Variants in RNF207 observed in about 807,000 individuals in gnomAD.
RNF207 encodes OTTHUMG00000001089.
Under a neutral mutation model 79.0 loss-of-function variants are expected in RNF207, and 72 were observed. That is an observed-to-expected ratio of 0.91 (90% confidence interval 0.75 to 1.11). The LOEUF (loss-of-function observed/expected upper bound fraction) is 1.11, where lower values mean the gene tolerates loss of function less well. Ranked by LOEUF, RNF207 falls within the 50% of genes least tolerant of loss-of-function variation. The pLI is 0.00. For missense variants in RNF207, 936 were observed against 855.8 expected (o/e 1.09, Z -1.17); for synonymous variants, 348 against 366.2 (o/e 0.95, Z 0.57).
intron 17 of RNF207, among the ~76,000 whole-genome samples, chr1:6,218,856 C>T (rs1271559018): frequency 2.0e-5 from 3 of 152,100 alleles, no homozygotes; most frequent in Non-Finnish European, 4.4e-5. Context: ...AGAATGAGAA[C>T]CAGAAGAGCC....
rs1305773155 is a variant in RNF207 at position 6,211,514 on chromosome 1, G to A, written c.1110-353G>A. ...CTGGAGAGGAGTTAGAAGAGATGCT[G>A]AAATGGCATGTGTGTGTCCAGGGGC... On this transcript the variant is annotated intron_variant, in intron 12 of 17. Coordinates refer to ENST00000377939, the MANE Select transcript of RNF207 (RefSeq NM_207396.3). This position sits in a 1 kb window ranked among gnomAD's most constrained non-coding sequence, Gnocchi z 4.2. 1.3e-5 allele frequency among the ~76,000 whole-genome samples: 2 copies of A among 152,160 alleles called. No individual in the cohort carries two copies. The highest frequency in any genetic ancestry group is 2.4e-5 in the African/African-American group (1 of 41,440).
rs954711359 is a variant in RNF207, at chr1:6,217,986, C to G, written c.1653-303C>G. 1.3e-5 allele frequency among the ~76,000 whole-genome samples: 2 copies of G among 152,232 alleles called. No homozygotes were observed. Among genetic ancestry groups the G allele is most frequent in the African/African-American group, 4.8e-5 (2 of 41,452 alleles). On this transcript the variant is annotated intron_variant, in intron 16 of 17. Coordinates refer to ENST00000377939, the MANE Select transcript of RNF207 (RefSeq NM_207396.3). The surrounding 1 kb of genome is among the most constrained non-coding windows in gnomAD (Gnocchi z 4.2). ...GATGAGTGTCAGCAGAGGCCCTCCC[C>G]ACTCCACCTGGATTAAAGCAGGTCT...
At chr1:6,215,949 G>C (rs762749159) in intron 16 of RNF207, among the ~76,000 whole-genome samples, 5 of 152,222 alleles carry the variant, frequency 3.3e-5, no homozygotes, top group Non-Finnish European at 5.9e-5. Flanking sequence ...CGGAAGCTCT[G>C]AGCACAAGGG....
At chr1:6,210,752 G>T in intron 10 of RNF207, 118 bp from the exon 11 acceptor site, 1 of 893,588 alleles carries the variant, frequency 1.1e-6, no homozygotes, top group Non-Finnish European at 1.8e-6. Flanking sequence ...GAGGGCTGGC[G>T]CTGCTAAGGG....
In RNF207 at chr1:6,207,520, G is replaced by A. The variant is rs76112364; in HGVS notation, c.324+9G>A. 398 of 1,594,650 alleles carry A rather than the reference G, an allele frequency of 2.5e-4. 2 individuals are homozygous for A. The East Asian group carries it at 7.8e-3, about 31-fold the overall frequency. The stretch of plus-strand genomic sequence containing the variant: ...TGGAGTGCAGCGAGCAGGCAGGGGC[G>A]GCAGGGCGGGTGGGTGAGGAGCAGA... On this transcript the variant is annotated intron_variant, in intron 3 of 17. Transcript: ENST00000377939. This position sits in a 1 kb window ranked among gnomAD's most constrained non-coding sequence, Gnocchi z 4.5.
rs900161759 is a variant in RNF207, at chr1:6,210,103, T to G, written c.801-120T>G. 2.3e-6 allele frequency: 3 copies of G among 1,295,434 alleles called. No homozygotes were observed. In the Admixed American group the frequency reaches 5.6e-5, roughly 24 times the overall value. The allele number at this position is 1,295,434 out of a possible 1,614,324, so 80.2% of individuals were successfully genotyped here. A position where few individuals can be genotyped will look rare whatever the true frequency, so the allele number is the denominator to read the frequency against. On this transcript the variant is annotated intron_variant, in intron 8 of 17. Coordinates refer to ENST00000377939, the MANE Select transcript of RNF207 (RefSeq NM_207396.3). ...GTCCTCCCAGCTAAGGAGGGCAGCATGGCTCAGGGTGCAGAGAAGGGGTTC... is the reference window on the plus strand; with the variant it reads ...GTCCTCCCAGCTAAGGAGGGCAGCAGGGCTCAGGGTGCAGAGAAGGGGTTC...
chr1:6,219,345 C>T lies in RNF207; in HGVS notation c.1843C>T (p.His615Tyr), dbSNP rs1370711921. Residue 615 changes from histidine to tyrosine, a missense_variant, in exon 18 of 18, where the codon CAT becomes TAT. By Grantham distance (83) the His-to-Tyr change is moderately conservative. Transcript: ENST00000377939. The stretch of plus-strand genomic sequence containing the variant: ...AGAGCCTCTACTGAAAAATATGGAT[C>T]ATCACAGATCCAAACAGAAAAATGG... ...SEEPLLKNMD[H>Y]HRSKQKNGGD... 1.2e-6 allele frequency: 2 copies of T among 1,612,982 alleles called. No individual in the cohort carries two copies. The highest frequency in any genetic ancestry group is 1.7e-6 in the Non-Finnish European group (2 of 1,179,786).
chr1:6,208,914 G>A lies in RNF207; in HGVS notation c.358G>A (p.Gly120Arg). ...GACCACGTACTTCTGCAACACGTGC[G>A]GACAGCCCCTATGCGCGCGCTGCCG... ...VETTYFCNTC[G>R]QPLCARCRDE... Residue 120 changes from glycine to arginine, a missense_variant, in exon 4 of 18, where the codon GGA becomes AGA. Physicochemically the swap from Gly to Arg is moderately radical, Grantham distance 125. Coordinates refer to ENST00000377939, the MANE Select transcript of RNF207 (RefSeq NM_207396.3). 1.3e-6 allele frequency: 2 copies of A among 1,533,910 alleles called. No individual in the cohort carries two copies.
At chr1:6,218,906 A>C (rs1198194619) in intron 17 of RNF207, among the ~76,000 whole-genome samples, 1 of 152,214 alleles carries the variant, frequency 6.6e-6, no homozygotes, top group Non-Finnish European at 1.5e-5. Context: ...CCAGAGTCAC[A>C]GCGCGGCTGG....
Position 6,211,159 on chromosome 1 carries a change from A to C in RNF207, c.1109+41A>C. The C allele has an allele frequency of 3.6e-6, 5 of 1,391,170 alleles. No homozygotes were observed. Among genetic ancestry groups the C allele is most frequent in the Non-Finnish European group, 4.9e-6 (5 of 1,018,798 alleles). 86.2% of individuals were successfully genotyped at this position (1,391,170 alleles called of 1,614,324 possible). A position where few individuals can be genotyped will look rare whatever the true frequency, so the allele number is the denominator to read the frequency against. On this transcript the variant is annotated intron_variant, in intron 12 of 17. Coordinates refer to ENST00000377939, the MANE Select transcript of RNF207 (RefSeq NM_207396.3). This position sits in a 1 kb window ranked among gnomAD's most constrained non-coding sequence, Gnocchi z 4.2. ...GGAGGCCAGGCACAAGGTCCCCAAC[A>C]CTGGGGTGTGGGGGAGGGTGGGCGC...
At position 6,207,960 on chromosome 1, in the gene RNF207, T is replaced by C. The variant is rs2100922364; in HGVS notation, c.324+449T>C. 1 of 329,772 alleles carries C rather than the reference T, an allele frequency of 3.0e-6. No homozygotes were observed. The highest frequency in any genetic ancestry group is 6.1e-6 in the Non-Finnish European group (1 of 163,872). 20.4% of individuals were successfully genotyped at this position (329,772 alleles called of 1,614,324 possible). A position where few individuals can be genotyped will look rare whatever the true frequency, so the allele number is the denominator to read the frequency against. On this transcript the variant is annotated intron_variant, in intron 3 of 17. Coordinates refer to ENST00000377939, the MANE Select transcript of RNF207 (RefSeq NM_207396.3). This position sits in a 1 kb window ranked among gnomAD's most constrained non-coding sequence, Gnocchi z 4.5. ...ACTCTGGCCTGCGGAGGCCAGAAAA[T>C]GTATCGGGAATCCCAGGAGGACGGC... is the stretch of plus-strand genomic sequence containing the variant.
At position 6,212,704 on chromosome 1, in the gene RNF207, G is replaced by C. The variant is rs199527769; in HGVS notation, c.1505G>C (p.Arg502Pro). Reference protein sequence around the residue: ...FQEIWEEAYQRVANEQEIYEA... With the variant: ...FQEIWEEAYQPVANEQEIYEA... ...CAGATTTGGGAGGAAGCCTATCAGC[G>C]AGTGGCTAATGAGCAGGAGATTTAT... Residue 502 changes from arginine (R) to proline (P), a missense_variant, in exon 15 of 18, where the codon CGA becomes CCA. Arg to Pro is a moderately radical substitution (Grantham distance 103, BLOSUM62 -2). Coordinates refer to ENST00000377939, the MANE Select transcript of RNF207 (RefSeq NM_207396.3). 6.2e-7 allele frequency: 1 copy of C among 1,613,878 alleles called. No homozygotes were observed. The highest frequency in any genetic ancestry group is 8.5e-7 in the Non-Finnish European group (1 of 1,179,870).
intron 16 of RNF207, among the ~76,000 whole-genome samples, chr1:6,213,706 G>A (rs1468307379): frequency 6.6e-6 from 1 of 152,186 alleles, no homozygotes; most frequent in Non-Finnish European, 1.5e-5. Flanking sequence ...CTTTCTAAGG[G>A]TGTCACGAGG....
chr1:6,207,692 C>G lies in RNF207; in HGVS notation c.324+181C>G, dbSNP rs751148163. 3 of 752,740 alleles carry G rather than the reference C, an allele frequency of 4.0e-6. No individual in the cohort carries two copies. The East Asian group carries it at 8.0e-5, about 20-fold the overall frequency. The allele number at this position is 752,740 out of a possible 1,614,324, so 46.6% of individuals were successfully genotyped here. Reference sequence around the variant, plus strand: ...TTATACCGGTGGGGAGACTGAGGTCCAGAACAAGGGACTTGAGCCAGTGTC... The same window carrying G: ...TTATACCGGTGGGGAGACTGAGGTCGAGAACAAGGGACTTGAGCCAGTGTC... On this transcript the variant is annotated intron_variant, in intron 3 of 17. Transcript: ENST00000377939. The surrounding 1 kb of genome is among the most constrained non-coding windows in gnomAD (Gnocchi z 4.5).
intron 16 of RNF207, among the ~76,000 whole-genome samples, chr1:6,213,518 G>T (rs189074201): frequency 5.3e-5 from 8 of 151,666 alleles, no homozygotes; most frequent in African/African-American, 1.9e-4. Context: ...ACACCCACAG[G>T]ACCCTGTTCA....
In RNF207 at chr1:6,209,478, A is replaced by G; in HGVS notation, c.692A>G (p.Glu231Gly). ...AIALLQAMVE[E>G]VRHSAAEEED... Reference sequence around the variant, plus strand: ...GCGCTGCTGCAGGCCATGGTGGAGGAGGTGCGGCACAGCGCCGCCGAGGAG... The same window carrying G: ...GCGCTGCTGCAGGCCATGGTGGAGGGGGTGCGGCACAGCGCCGCCGAGGAG... The change falls in exon 7 of 18, where the codon GAG becomes GGG. Residue 231 changes from glutamate (E) to glycine (G), a missense_variant. By Grantham distance (98) the Glu-to-Gly change is moderately conservative. Transcript: ENST00000377939. 1 of 1,495,718 alleles carries G rather than the reference A, an allele frequency of 6.7e-7. No homozygotes were observed. Among genetic ancestry groups the G allele is most frequent in the Non-Finnish European group, 8.8e-7 (1 of 1,130,068 alleles). 92.7% of individuals were successfully genotyped at this position (1,495,718 alleles called of 1,614,324 possible).
intron 16 of RNF207, among the ~76,000 whole-genome samples, chr1:6,215,397 G>A (rs1364761130): frequency 1.3e-5 from 2 of 150,756 alleles, no homozygotes; most frequent in African/African-American, 4.9e-5. Flanking sequence ...AAATTCCCGG[G>A]CTCAAGTGAT....
Position 6,206,668 on chromosome 1 carries a change from T to C in RNF207, c.133T>C (p.Cys45Arg). 6.2e-7 allele frequency: 1 copy of C among 1,606,716 alleles called. No homozygotes were observed. Among genetic ancestry groups the C allele is most frequent in the Non-Finnish European group, 8.5e-7 (1 of 1,179,818 alleles). Residue 45 changes from cysteine (C) to arginine (R), a missense_variant, in exon 2 of 18, where the codon TGT becomes CGT. Coordinates refer to ENST00000377939, the MANE Select transcript of RNF207 (RefSeq NM_207396.3). The part of the protein sequence containing the change: ...PCLLDCFHDF[C>R]AGCLRGRATD... ...TCTTCTGGACTGTTTCCACGACTTC[T>C]GTGCCGGCTGCCTGCGTGGCCGCGC...
rs780031044 is a variant in RNF207 at position 6,210,857 on chromosome 1, C to T, written c.943-13C>T. ...ACACCTCCACCGGCCTGAGGCCCTC[C>T]TCACTGCCACAGGAGCTGATGGAGA... is the stretch of plus-strand genomic sequence containing the variant. On this transcript the variant is annotated splice_polypyrimidine_tract_variant and intron_variant, in intron 10 of 17. Transcript: ENST00000377939. 12 of 1,588,920 alleles carry T rather than the reference C, an allele frequency of 7.6e-6. No homozygotes were observed. In the Admixed American group the frequency reaches 2.0e-4, roughly 26 times the overall value.
Sources: allele counts gnomAD v4.1 joint callset (sites outside exome capture counted in the v4.1 genomes callset), GRCh38; gene constraint gnomAD v4.1.1; non-coding constraint Gnocchi (gnomAD v3.1); transcripts MANE v1.5; gene names NCBI Gene and HGNC (gene_info 2026-07-23, HGNC 2026-07-21).